GABRA5: variants seen among roughly 807,000 people sequenced by gnomAD.
GABRA5 encodes the protein gamma-aminobutyric acid receptor subunit alpha-5.
In GABRA5, 18 loss-of-function variants were observed where a neutral mutation model predicts 47.3. That is an observed-to-expected ratio of 0.38 (90% confidence interval 0.26 to 0.56). The LOEUF (loss-of-function observed/expected upper bound fraction) is 0.56. GABRA5 is among the 20% of genes least tolerant of loss of function. The probability of loss-of-function intolerance (pLI) is 0.71; values close to 1 mark genes in which losing one functional copy is unlikely to be tolerated. For synonymous variants in GABRA5, 237 were observed against 229.3 expected, an observed-to-expected ratio of 1.03 and a Z score of -0.30; for missense variants, 365 against 599.3, an observed-to-expected ratio of 0.61 and a Z score of 4.08.
intron 6 of GABRA5, among the ~76,000 whole-genome samples, chr15:26,906,735 A>G (rs895003241): frequency 6.6e-6 from 1 of 152,208 alleles, no homozygotes; most frequent in African/African-American, 2.4e-5. Flanking sequence ...ATTTTCCTAC[A>G]TTTGATCTGT....
At chr15:26,897,931 C>T (rs1430422730) in intron 6 of GABRA5, among the ~76,000 whole-genome samples, 2 of 152,072 alleles carry the variant, frequency 1.3e-5, no homozygotes, top group African/African-American at 4.8e-5. Flanking sequence ...GTTCATGACA[C>T]TTGGGGACTG....
At chr15:26,946,132 C>T (rs1347453920) in intron 10 of GABRA5, among the ~76,000 whole-genome samples, 3 of 152,090 alleles carry the variant, frequency 2.0e-5, no homozygotes, top group African/African-American at 7.3e-5. Flanking sequence ...CACCTGTTTC[C>T]CCTGACGCCT....
At chr15:26,891,957 T>G (rs1274674652) in intron 6 of GABRA5, among the ~76,000 whole-genome samples, 2 of 152,196 alleles carry the variant, frequency 1.3e-5, no homozygotes, top group African/African-American at 4.8e-5. Context: ...TGAGCGCAAA[T>G]GCCCCAGAAA....
At chr15:26,872,276 T>G (rs1892491167) in intron 3 of GABRA5, among the ~76,000 whole-genome samples, 1 of 152,204 alleles carries the variant, frequency 6.6e-6, no homozygotes, top group South Asian at 2.1e-4. Flanking sequence ...GTTTTGGTTT[T>G]GGATGAATCC....
intron 3 of GABRA5, among the ~76,000 whole-genome samples, chr15:26,876,762 G>T (rs937245046): frequency 6.6e-5 from 10 of 152,200 alleles, no homozygotes; most frequent in Admixed American, 5.2e-4. Context: ...TGAATGAAAG[G>T]CTCTTTTAAA....
At chr15:26,909,277 G>A (rs187012402) in intron 6 of GABRA5, among the ~76,000 whole-genome samples, 2 of 152,160 alleles carry the variant, frequency 1.3e-5, no homozygotes, top group South Asian at 2.1e-4. Context: ...CCTCTTCTAC[G>A]TGGCCTCGTG....
At chr15:26,936,709 G>A (rs1953140347) in intron 7 of GABRA5, among the ~76,000 whole-genome samples, 1 of 152,196 alleles carries the variant, frequency 6.6e-6, no homozygotes, top group African/African-American at 2.4e-5. Context: ...CTTGGAGTAG[G>A]GAATGCGGCC....
intron 6 of GABRA5, among the ~76,000 whole-genome samples, chr15:26,903,058 G>T (rs1203976002): frequency 1.3e-5 from 2 of 152,018 alleles, no homozygotes; most frequent in African/African-American, 4.8e-5. Flanking sequence ...TTGTCACCCT[G>T]GTATTAAGCC....
chr15:26,873,216 C>G (rs1892514204), intron 3 of GABRA5, among the ~76,000 whole-genome samples: 1 of 152,136 alleles, frequency 6.6e-6, no homozygotes, highest in African/African-American at 2.4e-5. Context: ...TGTCAAAATA[C>G]ATAATATTAG....
chr15:26,872,800 C>G (rs1314052730), intron 3 of GABRA5, among the ~76,000 whole-genome samples: 1 of 152,088 alleles, frequency 6.6e-6, no homozygotes. Context: ...TGGACCAAGT[C>G]GAAATGCAGT....
rs1431494476 is a variant in GABRA5 at position 26,867,633 on chromosome 15, G to A, written c.-140+522G>A. Among the ~76,000 whole-genome samples the A allele has an allele frequency of 6.6e-6, 1 of 152,010 alleles. No homozygotes were observed. Among genetic ancestry groups the A allele is most frequent in the African/African-American group, 2.4e-5 (1 of 41,430 alleles). On this transcript the variant is annotated intron_variant, in intron 1 of 10. Coordinates refer to ENST00000335625, the MANE Select transcript of GABRA5 (RefSeq NM_000810.4). This position sits in a 1 kb window ranked among gnomAD's most constrained non-coding sequence, Gnocchi z 5.9. ...GGGGTCCGGGCGGCTCATCCCTGCC[G>A]GACGGGGCACCAGGGCGCGGTGACC...
intron 9 of GABRA5, among the ~76,000 whole-genome samples, chr15:26,941,445 A>C (rs1894382175): frequency 1.3e-5 from 2 of 152,182 alleles, no homozygotes; most frequent in South Asian, 4.1e-4. Context: ...TTCTCAAAAA[A>C]AAAATCAAAG....
chr15:26,891,528 T>C (rs1893005740), intron 6 of GABRA5, among the ~76,000 whole-genome samples: 1 of 152,272 alleles, frequency 6.6e-6, no homozygotes, highest in South Asian at 2.1e-4. Flanking sequence ...CTGAAAATAA[T>C]GTCCACGAGG....
intron 3 of GABRA5, among the ~76,000 whole-genome samples, chr15:26,879,326 T>C (rs1262970238): frequency 6.6e-6 from 1 of 152,184 alleles, no homozygotes; most frequent in East Asian, 1.9e-4. Flanking sequence ...ACCTTCTTTT[T>C]TCCCCCTGCA....
At chr15:26,913,055 G>C (rs371333149) in intron 6 of GABRA5, among the ~76,000 whole-genome samples, 1 of 151,980 alleles carries the variant, frequency 6.6e-6, no homozygotes, top group Non-Finnish European at 1.5e-5. Context: ...GTGGTGTCAG[G>C]CGTCTATAAT....
At chr15:26,872,653 G>A (rs1595391118) in intron 3 of GABRA5, among the ~76,000 whole-genome samples, 1 of 152,288 alleles carries the variant, frequency 6.6e-6, no homozygotes, top group East Asian at 1.9e-4. Context: ...GCATCAAAGG[G>A]TTTAATTTGA....
intron 3 of GABRA5, among the ~76,000 whole-genome samples, chr15:26,869,783 C>T (rs1433135189): frequency 1.3e-5 from 2 of 152,218 alleles, no homozygotes; most frequent in African/African-American, 4.8e-5. Context: ...GAAAAGGACT[C>T]ACAATGGTCC....
rs532232125 is a variant in GABRA5, at chr15:26,947,241, G to A, written c.1090-693G>A. ...TTTTTCTTTTATTTTAGGTTCAGAG[G>A]TACATGTGCAGGTTTGTTGTATAGG... On this transcript the variant is annotated intron_variant, in intron 10 of 10. Coordinates refer to ENST00000335625, the MANE Select transcript of GABRA5 (RefSeq NM_000810.4). Among the ~76,000 whole-genome samples the A allele has an allele frequency of 1.3e-5, 2 of 152,218 alleles. 1 individual carries two copies. The highest frequency in any genetic ancestry group is 4.8e-5 in the African/African-American group (2 of 41,512).
At chr15:26,933,787 G>A (rs778160625) in intron 7 of GABRA5, among the ~76,000 whole-genome samples, 3 of 151,986 alleles carry the variant, frequency 2.0e-5, no homozygotes, top group Admixed American at 6.6e-5. Flanking sequence ...CCCCACTCAC[G>A]TCATTTTTAC....
Sources: gnomAD v4.1 joint callset for allele counts (sites outside exome capture counted in the v4.1 genomes callset) on GRCh38, gnomAD v4.1.1 for gene constraint, Gnocchi (gnomAD v3.1) non-coding constraint, MANE v1.5 for transcripts, NCBI Gene and HGNC (gene_info 2026-07-23, HGNC 2026-07-21) for gene names.